The following PDE1C variants were observed in gnomAD, a reference collection of about 807,000 sequenced individuals.
PDE1C encodes the protein dual specificity calcium/calmodulin-dependent 3',5'-cyclic nucleotide phosphodiesterase 1C.
A neutral mutation model predicts 93.1 loss-of-function variants in PDE1C; 62 were observed. The ratio of observed to expected loss-of-function variants is 0.67; its 90% CI spans 0.54 to 0.82. The LOEUF (loss-of-function observed/expected upper bound fraction) is 0.82, where lower values mean the gene tolerates loss of function less well. Ranked by LOEUF, PDE1C falls within the 40% of genes least tolerant of loss-of-function variation. The pLI is 0.00. For missense variants in PDE1C, 742 were observed against 884.6 expected (o/e 0.84, Z 2.04); for synonymous variants, 325 against 310.1 (o/e 1.05, Z -0.50).
At chr7:31,827,737 T>C (rs1171798258) in intron 12 of PDE1C, among the ~76,000 whole-genome samples, 3 of 152,202 alleles carry the variant, frequency 2.0e-5, no homozygotes, top group Non-Finnish European at 2.9e-5. Flanking sequence ...CTCCCACAGA[T>C]GAAGATTTTT....
intron 3 of PDE1C, among the ~76,000 whole-genome samples, chr7:32,133,740 A>G (rs960182552): frequency 1.3e-5 from 2 of 152,154 alleles, no homozygotes; most frequent in African/African-American, 4.8e-5. Flanking sequence ...TCTGCAATAC[A>G]TTGTTCATAA....
intron 12 of PDE1C, among the ~76,000 whole-genome samples, chr7:31,827,975 G>C (rs1789902715): frequency 6.6e-6 from 1 of 152,120 alleles, no homozygotes; most frequent in Non-Finnish European, 1.5e-5. Context: ...CCTGCATGCA[G>C]AATGGCGGGA....
chr7:31,669,544 T>C, the PDE1C span, among the ~76,000 whole-genome samples: 22 of 152,318 alleles, frequency 1.4e-4, no homozygotes, highest in African/African-American at 5.1e-4. Flanking sequence ...GACAACTCTT[T>C]CCACACTAAT....
At chr7:32,190,720 T>C (rs918879746) in intron 2 of PDE1C, among the ~76,000 whole-genome samples, 8 of 152,160 alleles carry the variant, frequency 5.3e-5, no homozygotes, top group African/African-American at 1.4e-4. Flanking sequence ...GTTTCTGCTT[T>C]CAAGGAACTC....
chr7:31,707,309 A>G, the PDE1C span: 1 of 1,594,036 alleles, frequency 6.3e-7, no homozygotes, highest in Non-Finnish European at 8.6e-7. Context: ...GACCACTTGT[A>G]AATAGGTTAG....
At chr7:31,673,613 C>G in the PDE1C span, among the ~76,000 whole-genome samples, 1 of 151,926 alleles carries the variant, frequency 6.6e-6, no homozygotes, top group Non-Finnish European at 1.5e-5. Context: ...TTAAAATATT[C>G]ACCTATATTT....
chr7:31,643,535 G>A, the PDE1C span: 13 of 1,614,020 alleles, frequency 8.1e-6, no homozygotes, highest in Non-Finnish European at 1.1e-5. Flanking sequence ...GCTGCTCAGA[G>A]GGCTGTGGCC....
intron 3 of PDE1C, among the ~76,000 whole-genome samples, chr7:32,120,710 C>A (rs139270981): frequency 0.018 from 2,780 of 152,200 alleles, 84 homozygotes; most frequent in African/African-American, 0.064. Flanking sequence ...CCCCAAAAAA[C>A]CCCATCCAAG....
At chr7:32,180,733 AG>A (rs1212638949) in intron 2 of PDE1C, among the ~76,000 whole-genome samples, 1 of 152,248 alleles carries the variant, frequency 6.6e-6, no homozygotes, top group Non-Finnish European at 1.5e-5. Flanking sequence ...GGCAGATATA[AG>A]TGCAGAATTT....
chr7:31,725,513 G>A, the PDE1C span, among the ~76,000 whole-genome samples: 2 of 152,200 alleles, frequency 1.3e-5, no homozygotes, highest in Non-Finnish European at 2.9e-5. Flanking sequence ...GGATGGTGAT[G>A]TTTGTCTACC....
chr7:31,620,043 C>T, the PDE1C span, among the ~76,000 whole-genome samples: 2 of 152,140 alleles, frequency 1.3e-5, no homozygotes, highest in Non-Finnish European at 2.9e-5. Flanking sequence ...AAGGTGGCAG[C>T]GAGGCTGGGG....
intron 1 of PDE1C, among the ~76,000 whole-genome samples, chr7:32,405,098 C>T (rs1168384925): frequency 1.3e-5 from 2 of 152,124 alleles, no homozygotes; most frequent in African/African-American, 4.8e-5. Flanking sequence ...GGGTAACATA[C>T]CTCTTCTGTT....
intron 1 of PDE1C, among the ~76,000 whole-genome samples, chr7:32,293,743 G>C (rs1417398598): frequency 6.6e-6 from 1 of 152,126 alleles, no homozygotes; most frequent in East Asian, 1.9e-4. Flanking sequence ...TACGACTGAG[G>C]GAGAGAAGTA....
intron 2 of PDE1C, among the ~76,000 whole-genome samples, chr7:31,900,870 A>G (rs1031169511): frequency 6.6e-6 from 1 of 151,860 alleles, no homozygotes; most frequent in African/African-American, 2.4e-5. Context: ...ATATTTTAAA[A>G]TCTATTTATA....
chr7:32,193,938 G>A (rs1343887026), intron 2 of PDE1C, among the ~76,000 whole-genome samples: 142 of 127,772 alleles, frequency 1.1e-3, no homozygotes, highest in African/African-American at 3.5e-3. Context: ...TTTTTGAGAC[G>A]GAGTCTCACT....
At chr7:32,100,457 A>C (rs1563312735) in intron 3 of PDE1C, among the ~76,000 whole-genome samples, 1 of 152,246 alleles carries the variant, frequency 6.6e-6, no homozygotes, top group Non-Finnish European at 1.5e-5. Flanking sequence ...TATTAAATTA[A>C]GGAAATAGTA....
At chr7:32,394,902 G>T (rs1784814542) in intron 1 of PDE1C, among the ~76,000 whole-genome samples, 1 of 152,108 alleles carries the variant, frequency 6.6e-6, no homozygotes, top group South Asian at 2.1e-4. Context: ...CTCACCGTGT[G>T]ACATGCTGGC....
At chr7:32,276,724 G>C (rs1331946688) in intron 1 of PDE1C, among the ~76,000 whole-genome samples, 1 of 152,210 alleles carries the variant, frequency 6.6e-6, no homozygotes, top group East Asian at 1.9e-4. Context: ...ATGTTGTGAG[G>C]ATTAAATGAG....
At chr7:31,761,197 T>A (rs1294397822) in intron 17 of PDE1C, among the ~76,000 whole-genome samples, 1 of 152,136 alleles carries the variant, frequency 6.6e-6, no homozygotes, top group African/African-American at 2.4e-5. Flanking sequence ...CTTCCTCCTA[T>A]CCTCCCATAT....
Sources: gnomAD v4.1 joint callset for allele counts (sites outside exome capture counted in the v4.1 genomes callset) on GRCh38, gnomAD v4.1.1 for gene constraint, MANE v1.5 for transcripts, NCBI Gene and HGNC (gene_info 2026-07-23, HGNC 2026-07-21) for gene names.